AKR1C1: variants seen among roughly 807,000 people sequenced by gnomAD.
AKR1C1 encodes the protein aldo-keto reductase family 1 member C1, also known as 20 alpha-hydroxysteroid dehydrogenase.
In AKR1C1, 32 loss-of-function variants were observed where a neutral mutation model predicts 40.6. The ratio of observed to expected loss-of-function variants is 0.79; its 90% CI spans 0.60 to 1.06. AKR1C1 has a LOEUF of 1.06. AKR1C1 is among the 50% of genes least tolerant of loss of function. The probability of loss-of-function intolerance (pLI) is 0.00; values close to 1 mark genes in which losing one functional copy is unlikely to be tolerated. For synonymous variants in AKR1C1, 105 were observed against 134.2 expected (o/e 0.78, Z 1.50); for missense variants, 320 against 363.5 (o/e 0.88, Z 0.97).
chr10:4,973,036 A>G (rs2131645981), intron 7 of AKR1C1, among the ~76,000 whole-genome samples: 1 of 152,386 alleles, frequency 6.6e-6, no homozygotes, highest in East Asian at 1.9e-4. Context: ...TTTTATAATG[A>G]AGCATTGATT....
intron 1 of AKR1C1, 111 bp downstream of exon 1, chr10:4,963,639 C>A (rs1281429490): frequency 1.3e-5 from 13 of 970,224 alleles, no homozygotes; most frequent in Non-Finnish European, 1.9e-5. Flanking sequence ...CCCCTTTAAA[C>A]GTCAGTCTTT....
Position 4,972,700 on chromosome 10 carries a change from T to C in AKR1C1, c.797T>C (p.Val266Ala), listed in dbSNP as rs1554770013. 6.2e-7 allele frequency: 1 copy of C among 1,612,420 alleles called. No homozygotes were observed. Among genetic ancestry groups the C allele is most frequent in the East Asian group, 2.2e-5 (1 of 44,902 alleles). The change falls in exon 7 of 9, where the codon GTG becomes GCG. Residue 266 changes from valine (V) to alanine (A), a missense_variant. By Grantham distance (64) the Val-to-Ala change is moderately conservative. Coordinates refer to ENST00000380872, the MANE Select transcript of AKR1C1 (RefSeq NM_001353.6). ...ALRYQLQRGV[V>A]VLAKSYNEQR... ...CGCTACCAGCTACAGCGTGGGGTTG[T>C]GGTCCTGGCCAAGAGCTACAATGAG... is the stretch of plus-strand genomic sequence containing the variant.
rs1564319502 is a variant in AKR1C1, at chr10:4,977,807, C to T, written c.*65C>T. 3 of 1,480,776 alleles carry T rather than the reference C, an allele frequency of 2.0e-6. No homozygotes were observed. The highest frequency in any genetic ancestry group is 1.2e-5 in the South Asian group (1 of 85,950). The allele number at this position is 1,480,776 out of a possible 1,614,324, so 91.7% of individuals were successfully genotyped here. On this transcript the variant is annotated 3_prime_UTR_variant, in exon 9 of 9. Coordinates refer to ENST00000380872, the MANE Select transcript of AKR1C1 (RefSeq NM_001353.6). ...GTGTGGATGGTGACACAGAGGATGG[C>T]TCTATGCTGGTGACTGGACACATCG...
chr10:4,975,184 A>C (rs1374893405), intron 7 of AKR1C1, among the ~76,000 whole-genome samples: 3 of 152,102 alleles, frequency 2.0e-5, no homozygotes, highest in Non-Finnish European at 2.9e-5. Flanking sequence ...ATAATGCAAC[A>C]AATCTTCTTA....
chr10:4,963,511 A>G lies in AKR1C1; in HGVS notation c.67A>G (p.Thr23Ala), dbSNP rs200972237. Residue 23 changes from threonine (T) to alanine (A), a missense_variant, in exon 1 of 9, where the codon ACC (threonine) becomes GCC (alanine). Physicochemically the swap from Thr to Ala is moderately conservative, Grantham distance 58 (BLOSUM62 0). Around this residue, in one of 3 missense-constraint regions of AKR1C1, gnomAD observed 214 missense variants for 214.8 expected, o/e 1.00. Transcript: ENST00000380872. ...CTTCATGCCTGTCCTGGGATTTGGC[A>G]CCTATGCGCCTGCAGAGGTAACAAT... is the stretch of plus-strand genomic sequence containing the variant. ...GHFMPVLGFG[T>A]YAPAEVPKSK... 1.1e-5 allele frequency: 18 copies of G among 1,613,456 alleles called. 1 individual carries two copies. The East Asian group carries it at 3.8e-4, about 34-fold the overall frequency.
At position 4,979,071 on chromosome 10, in the gene AKR1C1, G is replaced by A. The variant is rs1208466724; in HGVS notation, c.*1329G>A. ...CCACTATTCGTACTCTGGTAGCCAT[G>A]TTAACCCCATCAGAGATTCCTTCTC... On this transcript the variant is annotated 3_prime_UTR_variant, in exon 9 of 9. Transcript: ENST00000380872. The A allele has an allele frequency of 1.3e-5, 2 of 152,172 alleles. No individual in the cohort carries two copies. Among genetic ancestry groups the A allele is most frequent in the Admixed American group, 6.5e-5 (1 of 15,272 alleles). The allele number at this position is 152,172 out of a possible 1,614,324, so 9.4% of individuals were successfully genotyped here.
chr10:4,973,817 C>T (rs1181376256), intron 7 of AKR1C1, among the ~76,000 whole-genome samples: 1 of 151,812 alleles, frequency 6.6e-6, no homozygotes, highest in Non-Finnish European at 1.5e-5. Flanking sequence ...TATACTATTT[C>T]ATATATTCTT....
Position 4,968,913 on chromosome 10 carries a change from C to T in AKR1C1, c.539C>T (p.Pro180Leu). The stretch of plus-strand genomic sequence containing the variant: ...CAGCTGGAGATGATCCTCAACAAGC[C>T]AGGGCTCAAGTACAAGCCTGTCTGC... ...RRQLEMILNK[P>L]GLKYKPVCNQ... is the part of the protein sequence containing the mutation. The change falls in exon 5 of 9, where the codon CCA (proline) becomes CTA (leucine). Residue 180 changes from proline (P) to leucine (L), a missense_variant. Pro to Leu is a moderately conservative substitution (Grantham distance 98). Transcript: ENST00000380872. 4 of 1,614,182 alleles carry T rather than the reference C, an allele frequency of 2.5e-6. No homozygotes were observed. Among genetic ancestry groups the T allele is most frequent in the Non-Finnish European group, 3.4e-6 (4 of 1,180,032 alleles).
chr10:4,970,001 C>T (rs1394256291), intron 5 of AKR1C1: 137 of 389,828 alleles, frequency 3.5e-4, no homozygotes, highest in Non-Finnish European at 2.0e-4. Flanking sequence ...TCACACTTTC[C>T]AAAAATTTGA....
chr10:4,964,500 T>G (rs1836298605), intron 1 of AKR1C1, among the ~76,000 whole-genome samples: 1 of 152,212 alleles, frequency 6.6e-6, no homozygotes, highest in African/African-American at 2.4e-5. Context: ...GAGAGGGCTG[T>G]GAGACCCAGT....
chr10:4,968,088 T>C, intron 3 of AKR1C1: 1 of 916,880 alleles, frequency 1.1e-6, no homozygotes, highest in Non-Finnish European at 1.6e-6. Context: ...CAGAAAGAGG[T>C]ATTTATTTAT....
chr10:4,974,884 T>A (rs1177802837), intron 7 of AKR1C1, among the ~76,000 whole-genome samples: 1 of 152,118 alleles, frequency 6.6e-6, no homozygotes, highest in Non-Finnish European at 1.5e-5. Context: ...TCTTGACTAA[T>A]GTGTTATTTA....
chr10:4,981,814 C>G lies in AKR1C1; in HGVS notation c.*4072C>G, dbSNP rs1554771132. On this transcript the variant is annotated 3_prime_UTR_variant, in exon 9 of 9. Transcript: ENST00000380872. ...TGGAAGTGCATGGCAGATATGAGCACAGAAGCTGGGTGTCCAGCCTTGTGG... is the reference window on the plus strand; with the variant it reads ...TGGAAGTGCATGGCAGATATGAGCAGAGAAGCTGGGTGTCCAGCCTTGTGG... 1 of 152,248 alleles carries G rather than the reference C, an allele frequency of 6.6e-6. No homozygotes were observed. Among genetic ancestry groups the G allele is most frequent in the Non-Finnish European group, 1.5e-5 (1 of 68,082 alleles). 9.4% of individuals were successfully genotyped at this position (152,248 alleles called of 1,614,324 possible). A position where few individuals can be genotyped will look rare whatever the true frequency, so the allele number is the denominator to read the frequency against.
chr10:4,981,554 G>T lies in AKR1C1; in HGVS notation c.*3812G>T, dbSNP rs1250788750. The T allele has an allele frequency of 1.3e-5, 2 of 152,110 alleles. No homozygotes were observed. The highest frequency in any genetic ancestry group is 2.4e-5 in the African/African-American group (1 of 41,410). The allele number at this position is 152,110 out of a possible 1,614,324, so 9.4% of individuals were successfully genotyped here. ...ATTTACATTGTGAATTTCTTTTCAAGAACCAATGCAGAGACTTAACAGATA... is the reference window on the plus strand; with the variant it reads ...ATTTACATTGTGAATTTCTTTTCAATAACCAATGCAGAGACTTAACAGATA... On this transcript the variant is annotated 3_prime_UTR_variant, in exon 9 of 9. Transcript: ENST00000380872.
chr10:4,973,506 AC>A (rs1836473021), intron 7 of AKR1C1, among the ~76,000 whole-genome samples: 2 of 152,110 alleles, frequency 1.3e-5, no homozygotes, highest in Admixed American at 6.6e-5. Flanking sequence ...ACAGGGCATG[AC>A]CCCAAGGCAG....
chr10:4,964,672 T>A (rs1270593751), intron 1 of AKR1C1, among the ~76,000 whole-genome samples: 1 of 152,234 alleles, frequency 6.6e-6, no homozygotes, highest in East Asian at 1.9e-4. Context: ...TTCACTGCAA[T>A]CATATGTTTC....
intron 3 of AKR1C1, 116 bp downstream of exon 3, chr10:4,967,159 G>A: frequency 8.5e-7 from 1 of 1,172,464 alleles, no homozygotes; most frequent in Non-Finnish European, 1.2e-6. Flanking sequence ...TAACATAGAA[G>A]AAGAATCCTA....
intron 7 of AKR1C1, among the ~76,000 whole-genome samples, chr10:4,975,021 A>C (rs1482917402): frequency 6.6e-6 from 1 of 152,132 alleles, no homozygotes; most frequent in Non-Finnish European, 1.5e-5. Context: ...TTTCCAATGC[A>C]TGATCATAAT....
At position 4,967,044 on chromosome 10, in the gene AKR1C1, G is replaced by A; in HGVS notation, c.369+1G>A. On this transcript the variant is annotated splice_donor_variant, in intron 3 of 8. Coordinates refer to ENST00000380872, the MANE Select transcript of AKR1C1 (RefSeq NM_001353.6). LOFTEE classifies it high-confidence loss of function. ...TATTCATTTTCCAGTGTCTGTAAAG[G>A]TAGGCAGCTTGTGTGATCAAATTAA... The A allele has an allele frequency of 6.2e-7, 1 of 1,611,802 alleles. No individual in the cohort carries two copies. Among genetic ancestry groups the A allele is most frequent in the Non-Finnish European group, 8.5e-7 (1 of 1,178,036 alleles).
Sources: gnomAD v4.1 joint callset for allele counts (sites outside exome capture counted in the v4.1 genomes callset) on GRCh38, gnomAD v4.1.1 for gene constraint, gnomAD v4.1.1 regional missense constraint, MANE v1.5 for transcripts, NCBI Gene and HGNC (gene_info 2026-07-23, HGNC 2026-07-21) for gene names.